Variants in STAB2 observed in about 807,000 individuals in gnomAD.
The protein encoded by STAB2 is stabilin 2, also known as stabilin-2.
Under a neutral mutation model 338.1 loss-of-function variants are expected in STAB2, and 288 were observed. The observed-to-expected ratio is 0.85, with a 90% CI of 0.77 to 0.94. The LOEUF (loss-of-function observed/expected upper bound fraction) is 0.94, where lower values mean the gene tolerates loss of function less well. STAB2 is among the 40% of genes least tolerant of loss of function. The pLI, the probability that STAB2 is intolerant of heterozygous loss-of-function variation, is 0.00. For synonymous variants in STAB2, 1,202 were observed against 1,193.3 expected (o/e 1.01, Z -0.15); for missense variants, 3,141 against 3,210.1 (o/e 0.98, Z 0.52).
At chr12:103,613,846 G>C (rs910923588) in intron 3 of STAB2, among the ~76,000 whole-genome samples, 1 of 152,056 alleles carries the variant, frequency 6.6e-6, no homozygotes, top group African/African-American at 2.4e-5. Context: ...TCTTCATTTT[G>C]TATAGTTAAT....
intron 33 of STAB2, among the ~76,000 whole-genome samples, chr12:103,696,129 C>A (rs1039575519): frequency 3.3e-5 from 5 of 152,048 alleles, no homozygotes; most frequent in African/African-American, 7.2e-5. Context: ...TAAATATGAA[C>A]AAAGGAAGCC....
intron 5 of STAB2, among the ~76,000 whole-genome samples, chr12:103,625,875 G>A (rs1420388223): frequency 6.6e-6 from 1 of 152,162 alleles, no homozygotes; most frequent in Non-Finnish European, 1.5e-5. Context: ...TATATACCCA[G>A]TAATGGGATG....
At chr12:103,666,517 C>G (rs943838309) in intron 19 of STAB2, among the ~76,000 whole-genome samples, 164 bp downstream of exon 19, 32 of 152,214 alleles carry the variant, frequency 2.1e-4, no homozygotes, top group Admixed American at 1.7e-3. Flanking sequence ...AGCGATCCCA[C>G]AGACCTGTGT....
intron 3 of STAB2, among the ~76,000 whole-genome samples, chr12:103,608,093 A>T (rs955723238): frequency 1.3e-5 from 2 of 152,086 alleles, no homozygotes; most frequent in African/African-American, 4.8e-5. Context: ...CTGGTGTGAG[A>T]TGGTATCTCG....
In STAB2 at chr12:103,705,452, G is replaced by A. The variant is rs3751201; in HGVS notation, c.3901-180G>A. Among the ~76,000 whole-genome samples the A allele has an allele frequency of 1.5e-4, 23 of 152,328 alleles. No homozygotes were observed. In the East Asian group the frequency reaches 4.4e-3, roughly 29 times the overall value. On this transcript the variant is annotated intron_variant, in intron 36 of 68. Coordinates refer to ENST00000388887, the MANE Select transcript of STAB2 (RefSeq NM_017564.10). ...TTGGATTTTGCCACCTGGCATTCCGGCAACCAACATTGTGTTTTCATGTTT... is the reference window on the plus strand; with the variant it reads ...TTGGATTTTGCCACCTGGCATTCCGACAACCAACATTGTGTTTTCATGTTT...
intron 44 of STAB2, among the ~76,000 whole-genome samples, chr12:103,720,997 T>C (rs1373071761): frequency 6.6e-6 from 1 of 152,222 alleles, no homozygotes; most frequent in Non-Finnish European, 1.5e-5. Flanking sequence ...GCACATCTCA[T>C]AGAATAGTGT....
intron 27 of STAB2, among the ~76,000 whole-genome samples, chr12:103,687,075 CT>C (rs1349383607): frequency 1.3e-5 from 2 of 152,254 alleles, no homozygotes; most frequent in African/African-American, 4.8e-5. Flanking sequence ...AGCACTGAGA[CT>C]TATTGTATTC....
rs574183300 is a variant in STAB2, at chr12:103,763,424, T to C, written c.7489-68T>C. 3.4e-6 allele frequency: 5 copies of C among 1,452,472 alleles called. No homozygotes were observed. The African/African-American group carries it at 7.0e-5, about 20-fold the overall frequency. The allele number at this position is 1,452,472 out of a possible 1,614,324, so 90.0% of individuals were successfully genotyped here. A position where few individuals can be genotyped will look rare whatever the true frequency, so the allele number is the denominator to read the frequency against. ...GAGGCAAAGGGTGGCTTGCTTTACC[T>C]GCCAACTTGGCTGAGACGCTCCTGC... On this transcript the variant is annotated intron_variant, in intron 67 of 68. Transcript: ENST00000388887.
chr12:103,726,655 T>C (rs1881230005), intron 46 of STAB2, among the ~76,000 whole-genome samples: 1 of 152,182 alleles, frequency 6.6e-6, no homozygotes, highest in African/African-American at 2.4e-5. Context: ...GAAAAAGGTG[T>C]GACTGGGACA....
intron 3 of STAB2, among the ~76,000 whole-genome samples, chr12:103,608,037 C>T (rs1957060310): frequency 6.6e-6 from 1 of 152,234 alleles, no homozygotes; most frequent in Non-Finnish European, 1.5e-5. Flanking sequence ...TCCACATCCT[C>T]TCCAGCACCT....
At chr12:103,741,215 A>G (rs1409628745) in intron 55 of STAB2, among the ~76,000 whole-genome samples, 1 of 152,072 alleles carries the variant, frequency 6.6e-6, no homozygotes, top group Non-Finnish European at 1.5e-5. Flanking sequence ...CTGTTACCTC[A>G]TCAGGAAAGG....
chr12:103,727,448 G>C (rs1881301167), intron 47 of STAB2, 98 bp downstream of exon 47: 1 of 1,365,784 alleles, frequency 7.3e-7, no homozygotes, highest in South Asian at 1.2e-5. Flanking sequence ...TTCTAAGCAG[G>C]AGCTCTGAGA....
chr12:103,689,962 C>A lies in STAB2; in HGVS notation c.3162C>A (p.Ser1054Arg). The A allele has an allele frequency of 6.2e-7, 1 of 1,613,904 alleles. No individual in the cohort carries two copies. The highest frequency in any genetic ancestry group is 1.1e-5 in the South Asian group (1 of 91,022). ...QDEKSFWLSQ[S>R]NIPALIKYHM... ...AGAAAAGCTTCTGGTTGTCACAGAG[C>A]AATATTCCAGCCCTAATAAAGTAGG... The change falls in exon 29 of 69, where the codon AGC becomes AGA. Residue 1054 changes from serine (S) to arginine (R), a missense_variant. Ser to Arg is a moderately radical substitution (Grantham distance 110). Transcript: ENST00000388887.
chr12:103,661,753 A>G (rs1398337709), intron 17 of STAB2, among the ~76,000 whole-genome samples: 2 of 152,174 alleles, frequency 1.3e-5, no homozygotes, highest in African/African-American at 4.8e-5. Flanking sequence ...GACATTCCAG[A>G]GGGAACAGCA....
At chr12:103,649,693 A>G (rs1043233536) in intron 10 of STAB2, among the ~76,000 whole-genome samples, 2 of 152,238 alleles carry the variant, frequency 1.3e-5, no homozygotes, top group African/African-American at 2.4e-5. Flanking sequence ...TGTCTCCTGC[A>G]TAAACATCCC....
At chr12:103,661,236 A>G (rs77165211) in intron 17 of STAB2, among the ~76,000 whole-genome samples, 3,292 of 138,648 alleles carry the variant, frequency 0.024, 119 homozygotes, top group African/African-American at 0.072. Flanking sequence ...AAAAAAAAAA[A>G]AGAGAGAGAG....
intron 8 of STAB2, among the ~76,000 whole-genome samples, chr12:103,639,720 A>C (rs1421151036): frequency 2.0e-5 from 3 of 151,800 alleles, no homozygotes; most frequent in Non-Finnish European, 2.9e-5. Flanking sequence ...AAAAAAAAAA[A>C]AAAAAACACT....
intron 46 of STAB2, 67 bp from the exon 47 acceptor site, chr12:103,727,200 T>C (rs1881274483): frequency 6.5e-7 from 1 of 1,549,646 alleles, no homozygotes; most frequent in African/African-American, 1.4e-5. Flanking sequence ...TCTCTGGTAT[T>C]AGTTTGAGCC....
At chr12:103,746,488 C>T in intron 57 of STAB2, 109 bp from the exon 58 acceptor site, 1 of 935,904 alleles carries the variant, frequency 1.1e-6, no homozygotes, top group Non-Finnish European at 1.7e-6. Flanking sequence ...TGTACAGGGG[C>T]ACTTATGAAC....
Sources: allele counts gnomAD v4.1 joint callset (sites outside exome capture counted in the v4.1 genomes callset), GRCh38; gene constraint gnomAD v4.1.1; transcripts MANE v1.5; gene names NCBI Gene and HGNC (gene_info 2026-07-23, HGNC 2026-07-21).